ANK3: variants seen among roughly 807,000 people sequenced by gnomAD.
The protein encoded by ANK3 is ankyrin-3.
Under a neutral mutation model 370.9 loss-of-function variants are expected in ANK3, and 57 were observed. The ratio of observed to expected loss-of-function variants is 0.15; its 90% CI spans 0.12 to 0.19. ANK3 has a LOEUF of 0.19. Among genes scored for constraint, ANK3 ranks in the 10% least tolerant of loss-of-function variants. ANK3 has a pLI of 1.00. For missense variants in ANK3, 4,439 were observed against 5,302.1 expected (o/e 0.84, Z 5.06); for synonymous variants, 1,929 against 1,946.3 (o/e 0.99, Z 0.23).
At chr10:60,733,517 G>A (rs2080058792), upstream of ANK3, 1 of 421,060 alleles carries the variant, frequency 2.4e-6, no homozygotes, top group Non-Finnish European at 4.0e-6. Context: ...AGGTGCCCGC[G>A]CGGGCCGGTG....
In ANK3 at chr10:60,069,845, G is replaced by A; in HGVS notation, c.11036C>T (p.Thr3679Ile). 1 of 1,614,106 alleles carries A rather than the reference G, an allele frequency of 6.2e-7. No individual in the cohort carries two copies. The highest frequency in any genetic ancestry group is 8.5e-7 in the Non-Finnish European group (1 of 1,180,006). ...CGGGATGCTGGGGTTAGGTTCCACT[G>A]TAGGTGTCTCTACATTTCTCTCTAG... ...TNLERNVETPTVEPNPSIPTS... is the reference protein window; with the variant it reads ...TNLERNVETPIVEPNPSIPTS... Residue 3679 changes from threonine to isoleucine, a missense_variant, in exon 37 of 44, where the codon ACA (threonine) becomes ATA (isoleucine). Thr to Ile is a moderately conservative substitution (Grantham distance 89). Transcript: ENST00000280772.
intron 43 of ANK3, among the ~76,000 whole-genome samples, chr10:60,035,727 C>T (rs906286629): frequency 2.0e-5 from 3 of 151,408 alleles, no homozygotes; most frequent in African/African-American, 7.3e-5. Context: ...CGGTGGCTCA[C>T]ACCTATAATC....
At chr10:60,726,924 T>C (rs986013192) in intron 1 of ANK3, among the ~76,000 whole-genome samples, 30 of 152,144 alleles carry the variant, frequency 2.0e-4, no homozygotes, top group Admixed American at 1.8e-3. Flanking sequence ...ATTTCATCAA[T>C]AGTTACAATT....
At chr10:60,403,516 A>G (rs866008337) in intron 2 of ANK3, among the ~76,000 whole-genome samples, 1 of 152,264 alleles carries the variant, frequency 6.6e-6, no homozygotes, top group African/African-American at 2.4e-5. Flanking sequence ...CTTCATTTAC[A>G]CATAATGGTG....
intron 40 of ANK3, chr10:60,059,848 C>G (rs1351862377): frequency 3.1e-6 from 5 of 1,614,202 alleles, no homozygotes; most frequent in Non-Finnish European, 4.2e-6. Flanking sequence ...TCTATGTTCC[C>G]CTGGGAAGGC....
At chr10:60,303,818 C>G (rs2044350203) in intron 1 of ANK3, among the ~76,000 whole-genome samples, 1 of 151,416 alleles carries the variant, frequency 6.6e-6, no homozygotes, top group Non-Finnish European at 1.5e-5. Context: ...TCATAATAGC[C>G]AAGACACAGA....
intron 8 of ANK3, among the ~76,000 whole-genome samples, chr10:60,214,231 A>G (rs2096900086): frequency 6.6e-6 from 1 of 152,188 alleles, no homozygotes; most frequent in South Asian, 2.1e-4. Flanking sequence ...AGAATAAGAC[A>G]GGGTTCAGCA....
chr10:60,173,173 G>A lies in ANK3; in HGVS notation c.2198C>T (p.Pro733Leu). ...TCCATAGTGGCAGCCCACATGCAGT[G>A]GTGTGTATCCCATCTGTAATTATTA... ...VDAQTKMGYT[P>L]LHVGCHYGNI... Residue 733 changes from proline (P) to leucine (L), a missense_variant, in exon 19 of 44, where the codon CCA (proline) becomes CTA (leucine). Physicochemically the swap from Pro to Leu is moderately conservative, Grantham distance 98. Around this residue, in one of 13 missense-constraint regions of ANK3, gnomAD observed 702 missense variants for 941.5 expected, o/e 0.75. Transcript: ENST00000280772. 6.2e-7 allele frequency: 1 copy of A among 1,612,318 alleles called. No homozygotes were observed. Among genetic ancestry groups the A allele is most frequent in the Non-Finnish European group, 8.5e-7 (1 of 1,178,610 alleles).
intron 2 of ANK3, among the ~76,000 whole-genome samples, chr10:60,454,528 A>T (rs1379184083): frequency 6.6e-6 from 1 of 152,078 alleles, no homozygotes; most frequent in Non-Finnish European, 1.5e-5. Flanking sequence ...CCTTTACAAT[A>T]GGGAAGAAGG....
intron 2 of ANK3, among the ~76,000 whole-genome samples, chr10:60,598,562 C>T (rs1387395137): frequency 6.6e-6 from 1 of 152,124 alleles, no homozygotes; most frequent in Non-Finnish European, 1.5e-5. Flanking sequence ...AAAGGAATTG[C>T]TGTATTTGAT....
chr10:60,228,842 T>G (rs1009910537), intron 8 of ANK3, among the ~76,000 whole-genome samples: 1 of 152,148 alleles, frequency 6.6e-6, no homozygotes, highest in Non-Finnish European at 1.5e-5. Flanking sequence ...TGGAACCACA[T>G]AGCAATTATC....
chr10:60,200,575 C>T (rs1426833394), intron 12 of ANK3, among the ~76,000 whole-genome samples: 1 of 152,088 alleles, frequency 6.6e-6, no homozygotes, highest in East Asian at 1.9e-4. Context: ...TGAGAGAGCC[C>T]ACACCTGCGC....
intron 1 of ANK3, among the ~76,000 whole-genome samples, chr10:60,637,738 C>T (rs189604791): frequency 4.7e-4 from 71 of 152,160 alleles, no homozygotes; most frequent in Admixed American, 3.8e-3. Context: ...TAATGTTAAG[C>T]GAAATATGCA....
At chr10:60,231,143 A>G (rs2097237600) in intron 8 of ANK3, among the ~76,000 whole-genome samples, 1 of 152,160 alleles carries the variant, frequency 6.6e-6, no homozygotes, top group African/African-American at 2.4e-5. Context: ...CTTGCTAGTC[A>G]CACTTAAGAT....
chr10:60,208,863 C>G (rs1003408712), intron 9 of ANK3, among the ~76,000 whole-genome samples: 15 of 152,182 alleles, frequency 9.9e-5, no homozygotes, highest in African/African-American at 3.6e-4. Context: ...TTCTATCAAT[C>G]TGGTGCCCCC....
intron 21 of ANK3, among the ~76,000 whole-genome samples, chr10:60,169,010 A>G (rs2095702302): frequency 6.6e-6 from 1 of 152,202 alleles, no homozygotes; most frequent in Non-Finnish European, 1.5e-5. Context: ...GAACATACAC[A>G]TGCATGTATC....
chr10:60,332,591 G>A lies in ANK3; in HGVS notation c.115-52952C>T, dbSNP rs558415472. Reference sequence around the variant, plus strand: ...GACAGAAGGGAATGGCAAGGCTGCTGTAAAGTGACAACTGTCAGTATTGCC... The same window carrying A: ...GACAGAAGGGAATGGCAAGGCTGCTATAAAGTGACAACTGTCAGTATTGCC... On this transcript the variant is annotated intron_variant, in intron 1 of 43. Coordinates refer to ENST00000280772, the MANE Select transcript of ANK3 (RefSeq NM_020987.5). Among the ~76,000 whole-genome samples the A allele has an allele frequency of 3.3e-5, 5 of 152,328 alleles. No homozygotes were observed. In the South Asian group the frequency reaches 1.0e-3, roughly 32 times the overall value.
At chr10:60,293,291 C>T (rs553898628) in intron 1 of ANK3, among the ~76,000 whole-genome samples, 33 of 152,266 alleles carry the variant, frequency 2.2e-4, no homozygotes, top group African/African-American at 7.7e-4. Context: ...CATTTACATA[C>T]ATACCCTCGG....
intron 2 of ANK3, among the ~76,000 whole-genome samples, chr10:60,525,612 C>A (rs983085995): frequency 7.9e-5 from 12 of 152,078 alleles, no homozygotes; most frequent in African/African-American, 2.7e-4. Context: ...GTAGTCCTTT[C>A]TGGGAGGAGA....
Sources: allele counts gnomAD v4.1 joint callset (sites outside exome capture counted in the v4.1 genomes callset), GRCh38; gene constraint gnomAD v4.1.1; regional missense constraint gnomAD v4.1.1; transcripts MANE v1.5; gene names NCBI Gene and HGNC (gene_info 2026-07-23, HGNC 2026-07-21).